The following LPP variants were observed in gnomAD, a reference collection of about 807,000 sequenced individuals.
The protein encoded by LPP is lipoma-preferred partner.
Under a neutral mutation model 60.4 loss-of-function variants are expected in LPP, and 38 were observed. The ratio of observed to expected loss-of-function variants is 0.63; its 90% CI spans 0.49 to 0.83. LPP has a LOEUF of 0.83. Among genes scored for constraint, LPP ranks in the 40% least tolerant of loss-of-function variants. The pLI is 0.00. For synonymous variants in LPP, 328 were observed against 290.8 expected, an observed-to-expected ratio of 1.13 and a Z score of -1.30; for missense variants, 902 against 783.6, an observed-to-expected ratio of 1.15 and a Z score of -1.80.
chr3:188,870,521 C>T (rs1053222139), intron 10 of LPP, among the ~76,000 whole-genome samples: 6 of 152,188 alleles, frequency 3.9e-5, no homozygotes, highest in Non-Finnish European at 8.8e-5. Flanking sequence ...GCTCTGTTGG[C>T]TGTAAAGTAG....
At chr3:188,679,832 C>T (rs1210867227) in intron 7 of LPP, among the ~76,000 whole-genome samples, 4 of 152,138 alleles carry the variant, frequency 2.6e-5, no homozygotes. Flanking sequence ...AGGGTCATCA[C>T]CATGACCATC....
At chr3:188,666,975 C>T (rs924465581) in intron 7 of LPP, among the ~76,000 whole-genome samples, 8 of 152,030 alleles carry the variant, frequency 5.3e-5, no homozygotes, top group Non-Finnish European at 1.2e-4. Context: ...TCACTGTTTT[C>T]TGCACACAGT....
At chr3:188,411,682 C>A (rs940166191) in intron 4 of LPP, among the ~76,000 whole-genome samples, 1 of 151,858 alleles carries the variant, frequency 6.6e-6, no homozygotes, top group Non-Finnish European at 1.5e-5. Context: ...TGCTCCAAAT[C>A]AAAAAATAAA....
At chr3:188,625,976 A>G (rs933789714) in intron 7 of LPP, among the ~76,000 whole-genome samples, 3 of 152,178 alleles carry the variant, frequency 2.0e-5, no homozygotes, top group African/African-American at 7.2e-5. Context: ...GGCCTTACCT[A>G]TTTTAGTTAA....
At chr3:188,529,089 T>C (rs1447113777) in intron 6 of LPP, among the ~76,000 whole-genome samples, 3 of 152,252 alleles carry the variant, frequency 2.0e-5, no homozygotes, top group African/African-American at 7.2e-5. Context: ...AATTGGGAGA[T>C]ATATCTCATC....
In LPP at chr3:188,890,516, C is replaced by A. The variant is rs865956010; in HGVS notation, c.*16037C>A. The stretch of plus-strand genomic sequence containing the variant: ...ATGCATTATCTGACTATATTAAAAC[C>A]TGTTTTTCTATTTACCTTCTATCAG... On this transcript the variant is annotated 3_prime_UTR_variant, in exon 12 of 12. Transcript: ENST00000617246. 2.2e-4 allele frequency: 40 copies of A among 186,030 alleles called. No individual in the cohort carries two copies. Among genetic ancestry groups the A allele is most frequent in the African/African-American group, 8.9e-4 (38 of 42,818 alleles). The allele number at this position is 186,030 out of a possible 1,614,324, so 11.5% of individuals were successfully genotyped here.
intron 9 of LPP, among the ~76,000 whole-genome samples, chr3:188,778,819 TA>T (rs568036994): frequency 1.0e-3 from 155 of 152,310 alleles, no homozygotes; most frequent in Non-Finnish European, 7.6e-4. Context: ...GCCACTAAAT[TA>T]TTTTTTTGAA....
At chr3:188,396,317 A>G (rs1031362955) in intron 3 of LPP, among the ~76,000 whole-genome samples, 3 of 152,248 alleles carry the variant, frequency 2.0e-5, no homozygotes, top group African/African-American at 7.2e-5. Flanking sequence ...ATAAATATTC[A>G]AAAACAGAAA....
Position 188,572,410 on chromosome 3 carries a change from G to A in LPP, c.430-36751G>A, listed in dbSNP as rs1241750511. Reference sequence around the variant, plus strand: ...GTAGTGTAGTAAGAACTCAATAAATGTTAGACTCCTCATTAGGATTTGGGT... The same window carrying A: ...GTAGTGTAGTAAGAACTCAATAAATATTAGACTCCTCATTAGGATTTGGGT... On this transcript the variant is annotated intron_variant, in intron 6 of 11. Transcript: ENST00000617246. This position sits in a 1 kb window ranked among gnomAD's most constrained non-coding sequence, Gnocchi z 4.1. 6.6e-6 allele frequency among the ~76,000 whole-genome samples: 1 copy of A among 152,054 alleles called. No homozygotes were observed. The highest frequency in any genetic ancestry group is 6.6e-5 in the Admixed American group (1 of 15,254).
intron 4 of LPP, among the ~76,000 whole-genome samples, chr3:188,456,279 T>A (rs1340583743): frequency 6.6e-6 from 1 of 152,226 alleles, no homozygotes; most frequent in East Asian, 1.9e-4. Context: ...TACATGCATA[T>A]GTGCTCATTA....
At chr3:188,263,189 G>T (rs1360614689) in intron 2 of LPP, among the ~76,000 whole-genome samples, 2 of 152,142 alleles carry the variant, frequency 1.3e-5, no homozygotes, top group Admixed American at 6.5e-5. Flanking sequence ...GAGTCTGAGT[G>T]TACACAGAAA....
At chr3:188,445,583 C>A (rs1436808098) in intron 4 of LPP, among the ~76,000 whole-genome samples, 2 of 151,834 alleles carry the variant, frequency 1.3e-5, no homozygotes, top group Non-Finnish European at 2.9e-5. Flanking sequence ...CATATGTATA[C>A]CTATGTAACA....
At chr3:188,697,247 G>T (rs966757413) in intron 7 of LPP, among the ~76,000 whole-genome samples, 14 of 152,118 alleles carry the variant, frequency 9.2e-5, no homozygotes, top group Admixed American at 7.9e-4. Flanking sequence ...AGCCAGAACC[G>T]CTCTGACTCA....
intron 2 of LPP, among the ~76,000 whole-genome samples, chr3:188,309,022 C>CTTCT (rs1553857355): frequency 5.0e-5 from 6 of 119,716 alleles, no homozygotes; most frequent in African/African-American, 1.3e-4. Flanking sequence ...TCTTCTTCTT[C>CTTCT]TTTTTTTTTT....
At chr3:188,174,452 C>T (rs1054957777) in intron 1 of LPP, among the ~76,000 whole-genome samples, 1 of 152,180 alleles carries the variant, frequency 6.6e-6, no homozygotes, top group African/African-American at 2.4e-5. Context: ...CATTGATACC[C>T]GAGGAACGCA....
chr3:188,252,055 T>TATATATATATATATAC (rs1729875523), intron 2 of LPP, among the ~76,000 whole-genome samples: 3 of 98,396 alleles, frequency 3.0e-5, no homozygotes, highest in Non-Finnish European at 6.0e-5. Context: ...TATATATATA[T>TATATATATATATATAC]ATATATATAT....
chr3:188,764,422 C>T (rs1026193745), intron 9 of LPP, among the ~76,000 whole-genome samples: 3 of 150,844 alleles, frequency 2.0e-5, no homozygotes, highest in Non-Finnish European at 3.0e-5. Context: ...CTTTTTTTTT[C>T]CCCTTTAGTA....
At position 188,862,719 on chromosome 3, in the gene LPP, ATAAATAAATAAATAAATAAAAG is replaced by A. The variant is rs767325655; in HGVS notation, c.1411-3480_1411-3459del. 9.3e-4 allele frequency among the ~76,000 whole-genome samples: 85 copies of A among 91,176 alleles called. 8 individuals carry two copies. The highest frequency in any genetic ancestry group is 1.8e-3 in the Admixed American group (14 of 7,596). 59.8% of individuals were successfully genotyped at this position (91,176 alleles called of 152,430 possible). On this transcript the variant is annotated intron_variant, in intron 9 of 11. Coordinates refer to ENST00000617246, the MANE Select transcript of LPP (RefSeq NM_001375462.1). ...GCTGGCAACCCTACTAGACAAAAAA[ATAAATAAATAAATAAATAAAAG>A]AAAAAAGAAAAGAAAGAAAGAAAAA...
chr3:188,213,898 G>A (rs1254044339), intron 1 of LPP, among the ~76,000 whole-genome samples: 1 of 149,518 alleles, frequency 6.7e-6, no homozygotes, highest in Non-Finnish European at 1.5e-5. Flanking sequence ...TATTCTTGAA[G>A]CTGTAAGAAT....
Sources: gnomAD v4.1 joint callset for allele counts (sites outside exome capture counted in the v4.1 genomes callset) on GRCh38, gnomAD v4.1.1 for gene constraint, Gnocchi (gnomAD v3.1) non-coding constraint, MANE v1.5 for transcripts, NCBI Gene and HGNC (gene_info 2026-07-23, HGNC 2026-07-21) for gene names.